Variants in GRID2 observed in about 807,000 individuals in gnomAD.
GRID2 encodes the protein glutamate receptor ionotropic, delta-2.
A neutral mutation model predicts 114.8 loss-of-function variants in GRID2; 33 were observed. The observed-to-expected ratio is 0.29, with a 90% CI of 0.22 to 0.38. The LOEUF (loss-of-function observed/expected upper bound fraction) is 0.38, where lower values mean the gene tolerates loss of function less well. Ranked by LOEUF, GRID2 falls within the 10% of genes least tolerant of loss-of-function variation. The probability of loss-of-function intolerance (pLI) is 1.00; values close to 1 mark genes in which losing one functional copy is unlikely to be tolerated. For synonymous variants in GRID2, 505 were observed against 449.9 expected, an observed-to-expected ratio of 1.12 and a Z score of -1.55; for missense variants, 1,184 against 1,257.7, an observed-to-expected ratio of 0.94 and a Z score of 0.89.
intron 13 of GRID2, among the ~76,000 whole-genome samples, chr4:93,590,542 T>C (rs1305501466): frequency 6.6e-6 from 1 of 151,910 alleles, no homozygotes; most frequent in African/African-American, 2.4e-5. Context: ...ATGCGGGCTC[T>C]TTTTTGGTTC....
At chr4:93,793,006 C>T (rs1734725907) in intron 1 of GRID2, among the ~76,000 whole-genome samples, 1 of 152,110 alleles carries the variant, frequency 6.6e-6, no homozygotes, top group Admixed American at 6.6e-5. Context: ...AGCCATAGTC[C>T]TTTATAAGTA....
At position 93,662,382 on chromosome 4, in the gene GRID2, T is replaced by C. The variant is rs1294913272; in HGVS notation, c.2360+35947T>C. Among the ~76,000 whole-genome samples, 4 of 152,176 alleles carry C rather than the reference T, an allele frequency of 2.6e-5. No individual in the cohort carries two copies. The East Asian group carries it at 7.7e-4, about 29-fold the overall frequency. On this transcript the variant is annotated intron_variant, in intron 14 of 15. Coordinates refer to ENST00000282020, the MANE Select transcript of GRID2 (RefSeq NM_001510.4). ...ATAATATGCAGAAATATTATGCAAA[T>C]ATTATGCAAACAATAGTCTGTTTTA...
At chr4:93,553,847 A>G (rs1734030754) in intron 13 of GRID2, among the ~76,000 whole-genome samples, 1 of 152,182 alleles carries the variant, frequency 6.6e-6, no homozygotes, top group Non-Finnish European at 1.5e-5. Flanking sequence ...TAAGATGTTA[A>G]TCTTCTTAAT....
At chr4:93,514,037 T>C (rs1729454190) in intron 12 of GRID2, among the ~76,000 whole-genome samples, 1 of 152,172 alleles carries the variant, frequency 6.6e-6, no homozygotes, top group South Asian at 2.1e-4. Context: ...TGAAGTACAG[T>C]ATAGTGTTTC....
chr4:93,761,599 T>C (rs1416738190), intron 14 of GRID2, among the ~76,000 whole-genome samples: 1 of 152,194 alleles, frequency 6.6e-6, no homozygotes, highest in Non-Finnish European at 1.5e-5. Flanking sequence ...ATGATAGTTA[T>C]GAATTTATTT....
chr4:93,583,165 T>C (rs1737158358), intron 13 of GRID2, among the ~76,000 whole-genome samples: 1 of 152,224 alleles, frequency 6.6e-6, no homozygotes, highest in African/African-American at 2.4e-5. Flanking sequence ...AGAATCATCC[T>C]AATCTTCATC....
chr4:92,569,634 T>G (rs1727512429), intron 1 of GRID2, among the ~76,000 whole-genome samples: 1 of 152,100 alleles, frequency 6.6e-6, no homozygotes, highest in Non-Finnish European at 1.5e-5. Context: ...TGCCAGCATC[T>G]GTTGTTTATT....
chr4:92,775,003 A>G (rs1738721815), intron 2 of GRID2, among the ~76,000 whole-genome samples: 1 of 152,096 alleles, frequency 6.6e-6, no homozygotes, highest in African/African-American at 2.4e-5. Flanking sequence ...TGTTCATCAG[A>G]GTTTGTGTGG....
chr4:93,100,561 T>G (rs939286370), intron 3 of GRID2, among the ~76,000 whole-genome samples: 8 of 152,000 alleles, frequency 5.3e-5, no homozygotes, highest in African/African-American at 1.9e-4. Context: ...ATGTATCTCA[T>G]ATATCCAGCA....
At chr4:92,657,156 G>C (rs576468360) in intron 2 of GRID2, among the ~76,000 whole-genome samples, 1 of 150,728 alleles carries the variant, frequency 6.6e-6, no homozygotes, top group South Asian at 2.1e-4. Context: ...GATTATTCAG[G>C]GGCATTTGAA....
At chr4:92,809,856 A>C (rs1373232202) in intron 2 of GRID2, among the ~76,000 whole-genome samples, 2 of 152,018 alleles carry the variant, frequency 1.3e-5, no homozygotes, top group East Asian at 3.9e-4. Context: ...TTGTAAATAT[A>C]TCATAATATT....
At chr4:92,760,583 A>G (rs769979403) in intron 2 of GRID2, among the ~76,000 whole-genome samples, 4 of 152,120 alleles carry the variant, frequency 2.6e-5, no homozygotes, top group Admixed American at 6.5e-5. Flanking sequence ...AGCCTAATCT[A>G]TAGCTCTCCC....
intron 14 of GRID2, among the ~76,000 whole-genome samples, chr4:93,677,342 T>TG (rs1353919741): frequency 2.6e-5 from 4 of 152,166 alleles, no homozygotes; most frequent in African/African-American, 7.2e-5. Flanking sequence ...GCTCCACCTC[T>TG]GGGGGCAGGG....
At chr4:92,539,740 C>T (rs1725832021) in intron 1 of GRID2, among the ~76,000 whole-genome samples, 1 of 151,992 alleles carries the variant, frequency 6.6e-6, no homozygotes, top group South Asian at 2.1e-4. Flanking sequence ...AATTAGCTGT[C>T]CATGAACTGG....
At chr4:93,593,626 C>A (rs1056734263) in intron 13 of GRID2, among the ~76,000 whole-genome samples, 1 of 151,218 alleles carries the variant, frequency 6.6e-6, no homozygotes, top group Admixed American at 6.6e-5. Flanking sequence ...GGGAAATTCT[C>A]CAGGATAATA....
chr4:93,629,981 A>G (rs997475765), intron 14 of GRID2, among the ~76,000 whole-genome samples: 1 of 152,170 alleles, frequency 6.6e-6, no homozygotes, highest in Non-Finnish European at 1.5e-5. Flanking sequence ...CTGCACCTGG[A>G]CAAGCATCAA....
intron 2 of GRID2, among the ~76,000 whole-genome samples, chr4:92,851,565 TAA>T (rs1385420803): frequency 6.6e-6 from 1 of 151,944 alleles, no homozygotes; most frequent in Non-Finnish European, 1.5e-5. Context: ...AAAATGTAAT[TAA>T]GAGATAATTA....
intron 2 of GRID2, chr4:92,833,719 T>G (rs995773630): frequency 3.3e-5 from 5 of 152,192 alleles, no homozygotes; most frequent in Admixed American, 1.3e-4. Flanking sequence ...AATAGCATAG[T>G]GAAAGGATGA....
chr4:93,452,290 C>T (rs894029239), intron 10 of GRID2, among the ~76,000 whole-genome samples: 2 of 152,016 alleles, frequency 1.3e-5, no homozygotes, highest in African/African-American at 2.4e-5. Context: ...CCACTACGTT[C>T]AACAATACAA....
Sources: allele counts gnomAD v4.1 joint callset (sites outside exome capture counted in the v4.1 genomes callset), GRCh38; gene constraint gnomAD v4.1.1; transcripts MANE v1.5; gene names NCBI Gene and HGNC (gene_info 2026-07-23, HGNC 2026-07-21).